The following CSMD1 variants were observed in gnomAD, a reference collection of about 807,000 sequenced individuals.
CSMD1 encodes CUB and Sushi multiple domains 1.
In CSMD1, 213 loss-of-function variants were observed where a neutral mutation model predicts 417.5. The ratio of observed to expected loss-of-function variants is 0.51; its 90% CI spans 0.46 to 0.57. CSMD1 has a LOEUF of 0.57. Among genes scored for constraint, CSMD1 ranks in the 20% least tolerant of loss-of-function variants. The pLI is 0.00. For synonymous variants in CSMD1, 2,862 were observed against 1,736.8 expected (o/e 1.65, Z -16.11); for missense variants, 6,923 against 4,529.7 (o/e 1.53, Z -15.17).
At chr8:4,173,208 AAACGACCAATAACTC>A (rs1797862361) in intron 3 of CSMD1, among the ~76,000 whole-genome samples, 2 of 152,196 alleles carry the variant, frequency 1.3e-5, no homozygotes, top group African/African-American at 4.8e-5. Context: ...AATTTCAGAT[AAACGACCAATAACTC>A]TTTAATGCAA....
At chr8:4,107,795 C>T (rs138112666) in intron 3 of CSMD1, among the ~76,000 whole-genome samples, 1 of 152,330 alleles carries the variant, frequency 6.6e-6, no homozygotes, top group African/African-American at 2.4e-5. Context: ...CTGTTAATAA[C>T]TGACAGGCAA....
Position 3,986,167 on chromosome 8 carries a change from A to G in CSMD1, c.818+11736T>C, listed in dbSNP as rs551250947. ...GAAGGCATCACCTTAAAGTCTCTCC[A>G]AAGAGCCCTTTTATTTTAAGCTGCC... On this transcript the variant is annotated intron_variant, in intron 5 of 69. Transcript: ENST00000635120. 7.2e-5 allele frequency among the ~76,000 whole-genome samples: 11 copies of G among 152,210 alleles called. No individual in the cohort carries two copies. In the South Asian group the frequency reaches 1.9e-3, roughly 26 times the overall value.
chr8:4,071,735 G>T, intron 3 of CSMD1, among the ~76,000 whole-genome samples: 1 of 152,114 alleles, frequency 6.6e-6, no homozygotes, highest in Non-Finnish European at 1.5e-5. Flanking sequence ...CCAAAAAGTT[G>T]ATGAATATAT....
chr8:3,312,807 G>T (rs1224199096), intron 23 of CSMD1, among the ~76,000 whole-genome samples: 2 of 152,006 alleles, frequency 1.3e-5, no homozygotes, highest in Non-Finnish European at 2.9e-5. Context: ...CTCAAAGGCA[G>T]TTAGACTTCA....
intron 1 of CSMD1, among the ~76,000 whole-genome samples, chr8:4,950,477 T>A (rs1158088861): frequency 2.6e-5 from 4 of 152,168 alleles, no homozygotes; most frequent in Non-Finnish European, 5.9e-5. Flanking sequence ...CAAAATAGGA[T>A]AAGAAATAAA....
At chr8:4,559,134 C>G (rs939404798) in intron 2 of CSMD1, among the ~76,000 whole-genome samples, 1 of 152,144 alleles carries the variant, frequency 6.6e-6, no homozygotes, top group Non-Finnish European at 1.5e-5. Context: ...CGCAAATAGG[C>G]CCTTGCTTGG....
Position 2,938,678 on chromosome 8 carries a change from A to G in CSMD1, c.10602T>C (p.Phe3534=). ...GHENSNGQAS[F]ENPMYDTNLK... ...AGTTTGTATCATACATGGGGTTTTC[A>G]AACGATGCTTGTCCATTGCTGTTTT... Residue 3534 remains phenylalanine (F), a synonymous_variant, in exon 70 of 70, where the codon TTT becomes TTC. Coordinates refer to ENST00000635120, the MANE Select transcript of CSMD1 (RefSeq NM_033225.6). 1 of 1,611,984 alleles carries G rather than the reference A, an allele frequency of 6.2e-7. No homozygotes were observed.
At chr8:3,306,311 T>C (rs1297618375) in intron 25 of CSMD1, among the ~76,000 whole-genome samples, 2 of 152,206 alleles carry the variant, frequency 1.3e-5, no homozygotes, top group African/African-American at 4.8e-5. Flanking sequence ...GTAGCTGGGA[T>C]TACAGGTGTG....
chr8:4,502,827 G>A (rs1224169606), intron 2 of CSMD1, among the ~76,000 whole-genome samples: 2 of 152,020 alleles, frequency 1.3e-5, no homozygotes, highest in Admixed American at 1.3e-4. Flanking sequence ...TGTGTATGAC[G>A]GTGTGCTGCC....
rs181016421 is a variant in CSMD1 at position 3,468,549 on chromosome 8, C to T, written c.1561+163G>A. 4.3e-3 allele frequency among the ~76,000 whole-genome samples: 660 copies of T among 152,266 alleles called. 1 individual carries two copies. The highest frequency in any genetic ancestry group is 9.5e-3 in the Admixed American group (146 of 15,294). ...TTCAGAAGTTAAACATTCTCATTCACGAAAGCGAGTGTTAGTAGACTTTAA... is the reference window on the plus strand; with the variant it reads ...TTCAGAAGTTAAACATTCTCATTCATGAAAGCGAGTGTTAGTAGACTTTAA... On this transcript the variant is annotated intron_variant, in intron 12 of 69. Coordinates refer to ENST00000635120, the MANE Select transcript of CSMD1 (RefSeq NM_033225.6).
At chr8:4,882,463 G>T (rs932288303) in intron 1 of CSMD1, among the ~76,000 whole-genome samples, 1 of 151,760 alleles carries the variant, frequency 6.6e-6, no homozygotes, top group Admixed American at 6.6e-5. Context: ...TGGGGGGCGA[G>T]TTTGGCGTTT....
chr8:4,092,402 A>G (rs1474279901), intron 3 of CSMD1, among the ~76,000 whole-genome samples: 1 of 152,158 alleles, frequency 6.6e-6, no homozygotes, highest in Non-Finnish European at 1.5e-5. Flanking sequence ...AAGGCAATGA[A>G]CTTCATATTG....
intron 5 of CSMD1, among the ~76,000 whole-genome samples, chr8:3,943,298 C>A (rs17068110): frequency 0.066 from 9,914 of 150,782 alleles, 383 homozygotes; most frequent in South Asian, 0.093. Flanking sequence ...ACTTTATCAC[C>A]CTTGACAACT....
At chr8:4,621,417 C>G (rs931699887) in intron 2 of CSMD1, among the ~76,000 whole-genome samples, 1 of 152,074 alleles carries the variant, frequency 6.6e-6, no homozygotes, top group Admixed American at 6.6e-5. Context: ...GATGCTCAAC[C>G]TGCATTAATA....
At chr8:4,254,449 C>G (rs1803303874) in intron 3 of CSMD1, among the ~76,000 whole-genome samples, 1 of 152,162 alleles carries the variant, frequency 6.6e-6, no homozygotes, top group African/African-American at 2.4e-5. Flanking sequence ...GAACAATGAT[C>G]ACTAAGCGAC....
intron 3 of CSMD1, among the ~76,000 whole-genome samples, chr8:4,175,314 G>A (rs1251648664): frequency 2.0e-5 from 3 of 152,076 alleles, no homozygotes; most frequent in Non-Finnish European, 4.4e-5. Flanking sequence ...ATCTTCCATT[G>A]TTTAGGTTAA....
At chr8:3,892,138 TA>T (rs34677930) in intron 5 of CSMD1, among the ~76,000 whole-genome samples, 85,897 of 151,876 alleles carry the variant, frequency 0.57, 26,765 homozygotes, top group Admixed American at 0.7. Flanking sequence ...ATAATATCAG[TA>T]AAGTGAAAGG....
chr8:4,580,405 A>G (rs920079238), intron 2 of CSMD1, among the ~76,000 whole-genome samples: 1 of 152,238 alleles, frequency 6.6e-6, no homozygotes, highest in Non-Finnish European at 1.5e-5. Context: ...ATCGTGTAAC[A>G]CAAATAATGA....
At chr8:4,659,554 C>A (rs753884010) in intron 1 of CSMD1, among the ~76,000 whole-genome samples, 1 of 152,070 alleles carries the variant, frequency 6.6e-6, no homozygotes, top group African/African-American at 2.4e-5. Context: ...ACAGACAGTA[C>A]AATTTCACAC....
Sources: allele counts gnomAD v4.1 joint callset (sites outside exome capture counted in the v4.1 genomes callset), GRCh38; gene constraint gnomAD v4.1.1; transcripts MANE v1.5; gene names NCBI Gene and HGNC (gene_info 2026-07-23, HGNC 2026-07-21).